Variants in EPB41L2 observed in about 807,000 individuals in gnomAD.
EPB41L2 encodes erythrocyte membrane protein band 4.1 like 2, also known as band 4.1-like protein 2.
A neutral mutation model predicts 113.0 loss-of-function variants in EPB41L2; 43 were observed. The ratio of observed to expected loss-of-function variants is 0.38; its 90% CI spans 0.30 to 0.49. The LOEUF is 0.49. EPB41L2 is among the 20% of genes least tolerant of loss of function. The probability of loss-of-function intolerance (pLI) is 0.95; values close to 1 mark genes in which losing one functional copy is unlikely to be tolerated. For missense variants in EPB41L2, 1,147 were observed against 1,223.4 expected (o/e 0.94, Z 0.93); for synonymous variants, 442 against 436.7 (o/e 1.01, Z -0.15).
intron 15 of EPB41L2, chr6:130,867,831 C>T (rs2128443540): frequency 2.4e-6 from 1 of 418,010 alleles, no homozygotes; most frequent in East Asian, 5.0e-5. Context: ...TGTATGTGTA[C>T]ATACACATAT....
intron 1 of EPB41L2, among the ~76,000 whole-genome samples, chr6:130,970,034 G>C (rs1303440486): frequency 6.6e-6 from 1 of 151,922 alleles, no homozygotes; most frequent in African/African-American, 2.4e-5. Flanking sequence ...AACTAAACTC[G>C]GCCCAATGGA....
chr6:130,992,574 G>C (rs994268526), intron 1 of EPB41L2, among the ~76,000 whole-genome samples: 1 of 151,844 alleles, frequency 6.6e-6, no homozygotes, highest in African/African-American at 2.4e-5. Flanking sequence ...CTCTCTATGG[G>C]GACTCGCTTT....
chr6:130,842,248 A>C (rs2128392401), intron 19 of EPB41L2, among the ~76,000 whole-genome samples: 1 of 152,290 alleles, frequency 6.6e-6, no homozygotes, highest in East Asian at 1.9e-4. Context: ...TGTCTGCCTT[A>C]GGTTATTTCA....
At chr6:130,978,453 G>A (rs1778651224) in intron 1 of EPB41L2, among the ~76,000 whole-genome samples, 1 of 152,144 alleles carries the variant, frequency 6.6e-6, no homozygotes. Context: ...CATAATTTGA[G>A]ACTACAGCTC....
intron 11 of EPB41L2, among the ~76,000 whole-genome samples, chr6:130,887,553 C>T (rs937299434): frequency 3.0e-4 from 45 of 152,346 alleles, no homozygotes; most frequent in African/African-American, 1.1e-3. Flanking sequence ...CCCAGGCTTA[C>T]CTCTCCCGCC....
At chr6:130,873,779 C>A (rs1240365620) in intron 14 of EPB41L2, among the ~76,000 whole-genome samples, 1 of 152,022 alleles carries the variant, frequency 6.6e-6, no homozygotes, top group Admixed American at 6.6e-5. Flanking sequence ...ATTCAGAAAT[C>A]TTAAAGAAAA....
chr6:131,043,236 G>A (rs895164059), intron 1 of EPB41L2, among the ~76,000 whole-genome samples: 6 of 152,088 alleles, frequency 3.9e-5, no homozygotes, highest in East Asian at 1.9e-4. Flanking sequence ...GGGATGCAGA[G>A]GTTGCAGTGA....
chr6:130,994,361 T>C (rs966274864), intron 1 of EPB41L2, among the ~76,000 whole-genome samples: 2 of 152,120 alleles, frequency 1.3e-5, no homozygotes, highest in East Asian at 3.9e-4. Context: ...ACACAACTAA[T>C]GACCTACAGA....
rs750322344 is a variant in EPB41L2, at chr6:130,895,134, C to A, written c.1237-15G>T. On this transcript the variant is annotated splice_polypyrimidine_tract_variant and intron_variant, in intron 8 of 19. Coordinates refer to ENST00000337057, the MANE Select transcript of EPB41L2 (RefSeq NM_001431.4). ...CCTTCTGAGTCCTGCCAAGCATAAC[C>A]CAATTAACCATGGTTAAGAGCTGTG... 5.6e-6 allele frequency: 9 copies of A among 1,594,342 alleles called. No homozygotes were observed. Among genetic ancestry groups the A allele is most frequent in the South Asian group, 1.1e-5 (1 of 87,640 alleles).
intron 4 of EPB41L2, among the ~76,000 whole-genome samples, chr6:130,910,517 A>C (rs1009602006): frequency 1.3e-5 from 2 of 152,246 alleles, no homozygotes; most frequent in African/African-American, 4.8e-5. Flanking sequence ...AAAAGCCAAA[A>C]TTGACAAATG....
chr6:130,983,240 C>G (rs993443288), intron 1 of EPB41L2, among the ~76,000 whole-genome samples: 1 of 152,210 alleles, frequency 6.6e-6, no homozygotes, highest in African/African-American at 2.4e-5. Flanking sequence ...TACGTATCAA[C>G]AGAGGCTTGC....
intron 14 of EPB41L2, among the ~76,000 whole-genome samples, chr6:130,871,102 G>C (rs1162919484): frequency 6.6e-6 from 1 of 152,084 alleles, no homozygotes; most frequent in East Asian, 1.9e-4. Flanking sequence ...TGGGAGTAAA[G>C]TAATTTACTC....
At chr6:130,973,216 T>C (rs1348201054) in intron 1 of EPB41L2, among the ~76,000 whole-genome samples, 1 of 152,110 alleles carries the variant, frequency 6.6e-6, no homozygotes, top group Admixed American at 6.5e-5. Flanking sequence ...TTGGTAAAAG[T>C]TTCCATGGCA....
At chr6:130,899,912 C>T (rs1387484950) in intron 7 of EPB41L2, among the ~76,000 whole-genome samples, 2 of 152,194 alleles carry the variant, frequency 1.3e-5, no homozygotes, top group Admixed American at 6.5e-5. Context: ...GTGATCTCAT[C>T]TTTCTGTGAT....
intron 3 of EPB41L2, among the ~76,000 whole-genome samples, chr6:130,931,172 G>A (rs918446144): frequency 2.0e-5 from 3 of 151,986 alleles, no homozygotes; most frequent in South Asian, 2.1e-4. Flanking sequence ...AAGAAACAAC[G>A]CTATAAAACT....
intron 1 of EPB41L2, among the ~76,000 whole-genome samples, chr6:130,967,487 C>T (rs544242901): frequency 2.2e-4 from 33 of 152,218 alleles, no homozygotes; most frequent in Non-Finnish European, 4.3e-4. Flanking sequence ...AAAGATTATT[C>T]GTATTCTCTG....
intron 4 of EPB41L2, among the ~76,000 whole-genome samples, chr6:130,912,485 G>C (rs1374560503): frequency 6.6e-6 from 1 of 152,120 alleles, no homozygotes; most frequent in African/African-American, 2.4e-5. Context: ...AGGTGTACAT[G>C]GCTCTGTTCT....
At chr6:130,971,225 T>G (rs1369664994) in intron 1 of EPB41L2, among the ~76,000 whole-genome samples, 2 of 152,208 alleles carry the variant, frequency 1.3e-5, no homozygotes, top group Non-Finnish European at 2.9e-5. Flanking sequence ...TAAGCACTTA[T>G]GCACTGTGGC....
rs1272954212 is a variant in EPB41L2, at chr6:130,870,062, C to T, written c.2108G>A (p.Arg703Lys). 6.2e-7 allele frequency: 1 copy of T among 1,614,074 alleles called. No individual in the cohort carries two copies. Among genetic ancestry groups the T allele is most frequent in the Admixed American group, 1.7e-5 (1 of 60,016 alleles). Reference protein sequence around the residue: ...KKRAEVGKDERVITEEMNGKE... With the variant: ...KKRAEVGKDEKVITEEMNGKE... ...ACCATTCATTTCTTCTGTGATTACT[C>T]TTTCGTCTTTCCCAACCTCTGCCCG... The change falls in exon 15 of 20, where the codon AGA (arginine) becomes AAA (lysine). Residue 703 changes from arginine to lysine, a missense_variant. Coordinates refer to ENST00000337057, the MANE Select transcript of EPB41L2 (RefSeq NM_001431.4).
Sources: gnomAD v4.1 joint callset for allele counts (sites outside exome capture counted in the v4.1 genomes callset) on GRCh38, gnomAD v4.1.1 for gene constraint, MANE v1.5 for transcripts, NCBI Gene and HGNC (gene_info 2026-07-23, HGNC 2026-07-21) for gene names.